LTBP1: variants seen among roughly 807,000 people sequenced by gnomAD.
The protein encoded by LTBP1 is latent transforming growth factor beta binding protein 1, also known as latent-transforming growth factor beta-binding protein 1.
A neutral mutation model predicts 207.6 loss-of-function variants in LTBP1; 129 were observed. The observed-to-expected ratio is 0.62, with a 90% CI of 0.54 to 0.72. The LOEUF is 0.72. Among genes scored for constraint, LTBP1 ranks in the 30% least tolerant of loss-of-function variants. LTBP1 has a pLI of 0.00. For missense variants in LTBP1, 2,281 were observed against 2,217.2 expected (o/e 1.03, Z -0.58); for synonymous variants, 963 against 833.7 (o/e 1.16, Z -2.67).
In LTBP1 at chr2:32,948,813, G is replaced by A. The variant is rs1316038299; in HGVS notation, c.495-62G>A. ...CTGGCCTTTCTGGAACATGCTGGAAGCTTGGGTTCTTGGGAAGGGGGTCTT... is the reference window on the plus strand; with the variant it reads ...CTGGCCTTTCTGGAACATGCTGGAAACTTGGGTTCTTGGGAAGGGGGTCTT... On this transcript the variant is annotated intron_variant, in intron 1 of 33. Transcript: ENST00000404816. The A allele has an allele frequency of 6.8e-6, 10 of 1,469,232 alleles. No individual in the cohort carries two copies. In the Admixed American group the frequency reaches 1.0e-4, roughly 15 times the overall value. The allele number at this position is 1,469,232 out of a possible 1,614,324, so 91.0% of individuals were successfully genotyped here.
At position 33,106,640 on chromosome 2, in the gene LTBP1, G is replaced by T. The variant is rs186309750; in HGVS notation, c.864-3942G>T. On this transcript the variant is annotated intron_variant, in intron 3 of 33. Coordinates refer to ENST00000404816, the MANE Select transcript of LTBP1 (RefSeq NM_206943.4). The stretch of plus-strand genomic sequence containing the variant: ...TTTTTTTTTTTTCCCTGAAAAGTAG[G>T]TCTTAACAGTAGGGTTAAAATATTT... Among the ~76,000 whole-genome samples the T allele has an allele frequency of 3.3e-5, 5 of 151,862 alleles. No homozygotes were observed. The South Asian group carries it at 1.0e-3, about 32-fold the overall frequency.
At chr2:33,373,970 A>T (rs1278021093) in intron 31 of LTBP1, among the ~76,000 whole-genome samples, 1 of 152,200 alleles carries the variant, frequency 6.6e-6, no homozygotes, top group Non-Finnish European at 1.5e-5. Flanking sequence ...AAAAGTAAAG[A>T]ATTTGGAATG....
intron 3 of LTBP1, among the ~76,000 whole-genome samples, chr2:33,089,707 G>C (rs1187951535): frequency 2.0e-5 from 3 of 152,160 alleles, no homozygotes; most frequent in Non-Finnish European, 4.4e-5. Context: ...TAGCACATAA[G>C]TGAATTTTCT....
chr2:33,248,217 T>C (rs929205121), intron 10 of LTBP1, among the ~76,000 whole-genome samples: 1 of 152,210 alleles, frequency 6.6e-6, no homozygotes, highest in Non-Finnish European at 1.5e-5. Flanking sequence ...ATTGCAAACT[T>C]CGTAAATGCC....
At chr2:33,264,580 A>G (rs2093121746) in intron 15 of LTBP1, among the ~76,000 whole-genome samples, 1 of 152,242 alleles carries the variant, frequency 6.6e-6, no homozygotes, top group South Asian at 2.1e-4. Flanking sequence ...GAAAAATAAT[A>G]TAATCAGATA....
intron 13 of LTBP1, among the ~76,000 whole-genome samples, chr2:33,260,717 T>C (rs554040916): frequency 6.6e-6 from 1 of 152,356 alleles, no homozygotes; most frequent in East Asian, 1.9e-4. Context: ...TTAGCATCTC[T>C]AAAGATCAGT....
intron 9 of LTBP1, among the ~76,000 whole-genome samples, chr2:33,231,513 G>T (rs1465443212): frequency 6.6e-6 from 1 of 152,158 alleles, no homozygotes; most frequent in African/African-American, 2.4e-5. Context: ...GCTACAAAGC[G>T]CTTGTCTGGA....
At chr2:33,309,403 A>G (rs2094147777) in intron 22 of LTBP1, 31 bp from the exon 23 acceptor site, 5 of 1,538,386 alleles carry the variant, frequency 3.3e-6, no homozygotes, top group Non-Finnish European at 4.4e-6. Context: ...TGATTTATTT[A>G]GTCTTTAAAA....
At chr2:33,332,862 GA>G (rs904806384) in intron 24 of LTBP1, 3 of 152,276 alleles carry the variant, frequency 2.0e-5, no homozygotes, top group Admixed American at 6.5e-5. Context: ...CAAGGGAGTG[GA>G]AAAGGCCATG....
intron 2 of LTBP1, among the ~76,000 whole-genome samples, chr2:32,980,185 G>A (rs1013053285): frequency 6.6e-6 from 1 of 151,986 alleles, no homozygotes; most frequent in Non-Finnish European, 1.5e-5. Context: ...GTTAAGTAAG[G>A]ACTTACTCTT....
At chr2:33,054,742 T>C (rs897132202) in intron 3 of LTBP1, among the ~76,000 whole-genome samples, 22 of 152,082 alleles carry the variant, frequency 1.4e-4, no homozygotes, top group Admixed American at 5.9e-4. Flanking sequence ...CAGGAGGAAG[T>C]CAATTTCCTG....
chr2:33,250,225 C>T (rs903125086), intron 10 of LTBP1, among the ~76,000 whole-genome samples: 1 of 152,114 alleles, frequency 6.6e-6, no homozygotes, highest in Non-Finnish European at 1.5e-5. Context: ...TTTTAAATGG[C>T]ACACCCTGTC....
chr2:33,140,325 T>C (rs1217969592), intron 5 of LTBP1, among the ~76,000 whole-genome samples: 1 of 152,226 alleles, frequency 6.6e-6, no homozygotes, highest in Non-Finnish European at 1.5e-5. Context: ...CTTAGTTCAG[T>C]CACTGAGTTT....
In LTBP1 at chr2:33,262,778, G is replaced by A. The variant is rs56136117; in HGVS notation, c.2475G>A (p.Leu825=). The change falls in exon 14 of 34, where the codon CTG becomes CTA. Residue 825 remains leucine (L), a synonymous_variant. Coordinates refer to ENST00000404816, the MANE Select transcript of LTBP1 (RefSeq NM_206943.4). The part of the protein sequence containing the change: ...KTKLEPGQPQ[L]SPGISTIHLH... ...AACTTGAGCCTGGTCAACCCCAGCT[G>A]TCTCCAGGCATTTCCACTATTCATC... 15,276 of 1,606,796 alleles carry A rather than the reference G, an allele frequency of 9.5e-3. 856 individuals are homozygous for A. The African/African-American group carries it at 0.14, about 15-fold the overall frequency.
chr2:32,962,356 TTAAG>T (rs1679259504), intron 2 of LTBP1, among the ~76,000 whole-genome samples: 2 of 152,232 alleles, frequency 1.3e-5, no homozygotes, highest in Admixed American at 6.5e-5. Context: ...AAAGGTTATG[TTAAG>T]TTAGTCCAAA....
chr2:32,983,168 G>A (rs191485298), intron 2 of LTBP1, among the ~76,000 whole-genome samples: 2 of 147,928 alleles, frequency 1.4e-5, no homozygotes, highest in African/African-American at 4.9e-5. Context: ...GTGTGACCTG[G>A]ATGTGAAACA....
At chr2:33,297,378 G>C (rs2093897869) in intron 20 of LTBP1, among the ~76,000 whole-genome samples, 1 of 151,744 alleles carries the variant, frequency 6.6e-6, no homozygotes. Context: ...CTACACGTCA[G>C]AGCTAGGATC....
intron 2 of LTBP1, among the ~76,000 whole-genome samples, chr2:33,015,185 C>T (rs1688203005): frequency 6.6e-6 from 1 of 152,162 alleles, no homozygotes; most frequent in Non-Finnish European, 1.5e-5. Flanking sequence ...GTTTCTGAAC[C>T]TGTTTCTATC....
intron 2 of LTBP1, among the ~76,000 whole-genome samples, chr2:32,974,823 C>A (rs1681457277): frequency 1.3e-5 from 2 of 152,162 alleles, no homozygotes; most frequent in African/African-American, 4.8e-5. Flanking sequence ...GTTCTTACTT[C>A]TTTATCCGAC....
Sources: gnomAD v4.1 joint callset for allele counts (sites outside exome capture counted in the v4.1 genomes callset) on GRCh38, gnomAD v4.1.1 for gene constraint, MANE v1.5 for transcripts, NCBI Gene and HGNC (gene_info 2026-07-23, HGNC 2026-07-21) for gene names.